Variants in SEPSECS observed in about 807,000 individuals in gnomAD.
SEPSECS encodes O-phosphoseryl-tRNA(Sec) selenium transferase.
Under a neutral mutation model 52.1 loss-of-function variants are expected in SEPSECS, and 42 were observed. That is an observed-to-expected ratio of 0.81 (90% confidence interval 0.63 to 1.04). The LOEUF is 1.04. SEPSECS is among the 50% of genes least tolerant of loss of function. The pLI is 0.00. For synonymous variants in SEPSECS, 216 were observed against 211.4 expected, an observed-to-expected ratio of 1.02 and a Z score of -0.19; for missense variants, 590 against 610.6, an observed-to-expected ratio of 0.97 and a Z score of 0.36.
intron 8 of SEPSECS, 136 bp from the exon 9 acceptor site, chr4:25,127,493 G>A (rs1728429647): frequency 1.5e-6 from 1 of 671,492 alleles, no homozygotes; most frequent in African/African-American, 1.8e-5. Context: ...TCTCTCCTTT[G>A]CCACAATACA....
At chr4:25,133,557 A>C (rs1728701997) in intron 8 of SEPSECS, among the ~76,000 whole-genome samples, 1 of 152,210 alleles carries the variant, frequency 6.6e-6, no homozygotes, top group Non-Finnish European at 1.5e-5. Flanking sequence ...AGTAGTCAAA[A>C]ATCTTAAAGT....
intron 8 of SEPSECS, among the ~76,000 whole-genome samples, chr4:25,129,521 C>T (rs1049279862): frequency 1.3e-5 from 2 of 151,794 alleles, no homozygotes; most frequent in South Asian, 4.2e-4. Flanking sequence ...TACTCAGAGG[C>T]TGAGGCATGA....
At chr4:25,127,205 C>A in intron 9 of SEPSECS, 59 bp downstream of exon 9, 1 of 1,014,266 alleles carries the variant, frequency 9.9e-7, no homozygotes, top group Non-Finnish European at 1.6e-6. Context: ...CTAGAAGTAT[C>A]AGCTTCCTCC....
At chr4:25,159,494 G>A (rs762270862) in intron 1 of SEPSECS, 9 of 369,434 alleles carry the variant, frequency 2.4e-5, no homozygotes, top group South Asian at 1.3e-4. Flanking sequence ...TTGGCCACGC[G>A]CTGTAGCTCA....
rs189923615 is a variant in SEPSECS at position 25,126,935 on chromosome 4, C to T, written c.1120+329G>A. Among the ~76,000 whole-genome samples the T allele has an allele frequency of 2.2e-3, 339 of 152,220 alleles. 2 individuals are homozygous for T. Among genetic ancestry groups the T allele is most frequent in the Middle Eastern group, 6.8e-3 (2 of 292 alleles). On this transcript the variant is annotated intron_variant, in intron 9 of 10. Coordinates refer to ENST00000382103, the MANE Select transcript of SEPSECS (RefSeq NM_016955.4). ...CCTCCCAAAGTGCTAGGATTACAGGCGTGGGCCACCAAACCCGACCTGGAG... is the reference window on the plus strand; with the variant it reads ...CCTCCCAAAGTGCTAGGATTACAGGTGTGGGCCACCAAACCCGACCTGGAG...
At chr4:25,149,158 T>G (rs755667454) in intron 6 of SEPSECS, among the ~76,000 whole-genome samples, 30 of 152,018 alleles carry the variant, frequency 2.0e-4, no homozygotes, top group Non-Finnish European at 4.4e-5. Context: ...CCTGGGTTCA[T>G]GCCATTCTCC....
chr4:25,145,005 T>G lies in SEPSECS; in HGVS notation c.933A>C (p.Pro311=). The G allele has an allele frequency of 6.2e-7, 1 of 1,613,986 alleles. No individual in the cohort carries two copies. Among genetic ancestry groups the G allele is most frequent in the East Asian group, 2.2e-5 (1 of 44,822 alleles). The change falls in exon 7 of 11, where the codon CCA becomes CCC. Residue 311 remains proline (P), a splice_region_variant and synonymous_variant. Coordinates refer to ENST00000382103, the MANE Select transcript of SEPSECS (RefSeq NM_016955.4). ...CTGAAAAGCAACTTATTTATTTACC[T>G]GGATACATCTTGCTGATTTCCTGAA... ...SFIQEISKMY[P]GRASASPSLD...
chr4:25,122,740 T>G lies in SEPSECS; in HGVS notation c.*1191A>C, dbSNP rs923030964. 1 of 152,192 alleles carries G rather than the reference T, an allele frequency of 6.6e-6. No individual in the cohort carries two copies. The highest frequency in any genetic ancestry group is 1.5e-5 in the Non-Finnish European group (1 of 68,024). The allele number at this position is 152,192 out of a possible 1,614,324, so 9.4% of individuals were successfully genotyped here. On this transcript the variant is annotated 3_prime_UTR_variant, in exon 11 of 11. Coordinates refer to ENST00000382103, the MANE Select transcript of SEPSECS (RefSeq NM_016955.4). ...AAATCTTCAGGCTATGACATCTCTA[T>G]TTCTTAAAATAGTCTTAAGTAAGTC... is the stretch of plus-strand genomic sequence containing the variant.
intron 7 of SEPSECS, 38 bp downstream of exon 7, chr4:25,144,966 G>C (rs1401394509): frequency 6.2e-7 from 1 of 1,612,344 alleles, no homozygotes; most frequent in Admixed American, 1.7e-5. Context: ...ATTTTTGTTT[G>C]TTAGCTACTT....
At chr4:25,146,029 C>T (rs1048041073) in intron 6 of SEPSECS, among the ~76,000 whole-genome samples, 10 of 152,194 alleles carry the variant, frequency 6.6e-5, no homozygotes, top group African/African-American at 2.4e-4. Context: ...GAATACTTAC[C>T]TACTAGAAAT....
In SEPSECS at chr4:25,122,651, T is replaced by C. The variant is rs1577596372; in HGVS notation, c.*1280A>G. Reference sequence around the variant, plus strand: ...TCCCCATGAGCATCTTTTAGGAACATGATCCACAGAGCTGGGTTTGAGAAA... The same window carrying C: ...TCCCCATGAGCATCTTTTAGGAACACGATCCACAGAGCTGGGTTTGAGAAA... On this transcript the variant is annotated 3_prime_UTR_variant, in exon 11 of 11. Transcript: ENST00000382103. 1 of 152,176 alleles carries C rather than the reference T, an allele frequency of 6.6e-6. No individual in the cohort carries two copies. The highest frequency in any genetic ancestry group is 2.4e-5 in the African/African-American group (1 of 41,454). The allele number at this position is 152,176 out of a possible 1,614,324, so 9.4% of individuals were successfully genotyped here.
chr4:25,132,301 T>C lies in SEPSECS; in HGVS notation c.1027-4944A>G, dbSNP rs181474021. 8.5e-5 allele frequency among the ~76,000 whole-genome samples: 13 copies of C among 152,336 alleles called. No individual in the cohort carries two copies. In the East Asian group the frequency reaches 2.5e-3, roughly 29 times the overall value. On this transcript the variant is annotated intron_variant, in intron 8 of 10. Coordinates refer to ENST00000382103, the MANE Select transcript of SEPSECS (RefSeq NM_016955.4). ...TAAGTTTTCTTCTAACATTCCTTTTTTTAGTACACAATAACACCAATAATA... is the reference window on the plus strand; with the variant it reads ...TAAGTTTTCTTCTAACATTCCTTTTCTTAGTACACAATAACACCAATAATA...
intron 4 of SEPSECS, 91 bp from the exon 5 acceptor site, chr4:25,155,242 A>C: frequency 7.5e-7 from 1 of 1,337,620 alleles, no homozygotes; most frequent in Admixed American, 1.8e-5. Flanking sequence ...TCTACACAAG[A>C]ACTCTTAATA....
intron 8 of SEPSECS, among the ~76,000 whole-genome samples, chr4:25,134,658 A>G (rs1013191711): frequency 1.3e-5 from 2 of 152,186 alleles, no homozygotes. Context: ...TGCTAATTAA[A>G]TAAGTTTAAC....
Position 25,121,432 on chromosome 4 carries a change from A to G in SEPSECS, c.*2499T>C, listed in dbSNP as rs1728120266. ...TTGGGTCAAAAAGATAGAAGAGGTTATCTTCGGCAATGATTGGTAATGTAT... is the reference window on the plus strand; with the variant it reads ...TTGGGTCAAAAAGATAGAAGAGGTTGTCTTCGGCAATGATTGGTAATGTAT... On this transcript the variant is annotated 3_prime_UTR_variant, in exon 11 of 11. Transcript: ENST00000382103. The G allele has an allele frequency of 6.6e-6, 1 of 152,216 alleles. No homozygotes were observed. The highest frequency in any genetic ancestry group is 6.5e-5 in the Admixed American group (1 of 15,272). The allele number at this position is 152,216 out of a possible 1,614,324, so 9.4% of individuals were successfully genotyped here.
At chr4:25,125,608 T>G in intron 10 of SEPSECS, 86 bp downstream of exon 10, 1 of 820,186 alleles carries the variant, frequency 1.2e-6, no homozygotes, top group Non-Finnish European at 2.1e-6. Flanking sequence ...AGGATATACT[T>G]GGGGGACTAT....
At chr4:25,144,304 C>T (rs569684843) in intron 8 of SEPSECS, among the ~76,000 whole-genome samples, 45 of 140,558 alleles carry the variant, frequency 3.2e-4, no homozygotes, top group Non-Finnish European at 6.1e-4. Context: ...CGTGCCATTG[C>T]ACTCCAACCC....
Position 25,121,748 on chromosome 4 carries a change from C to A in SEPSECS, c.*2183G>T, listed in dbSNP as rs902099485. On this transcript the variant is annotated 3_prime_UTR_variant, in exon 11 of 11. Coordinates refer to ENST00000382103, the MANE Select transcript of SEPSECS (RefSeq NM_016955.4). ...AATAAAAACCACAGCTGATTTTCTG[C>A]ATCAGGAATGAAATATTGTAACATA... The A allele has an allele frequency of 6.6e-6, 1 of 152,146 alleles. No individual in the cohort carries two copies. The highest frequency in any genetic ancestry group is 1.5e-5 in the Non-Finnish European group (1 of 67,996). 9.4% of individuals were successfully genotyped at this position (152,146 alleles called of 1,614,324 possible). A position where few individuals can be genotyped will look rare whatever the true frequency, so the allele number is the denominator to read the frequency against.
rs528611769 is a variant in SEPSECS at position 25,144,197 on chromosome 4, G to A, written c.1026+577C>T. Among the ~76,000 whole-genome samples the A allele has an allele frequency of 2.9e-4, 44 of 151,728 alleles. No homozygotes were observed. The South Asian group carries it at 5.4e-3, about 19-fold the overall frequency. ...CTACTAAAAATACAAAAAATTAGTC[G>A]GGTGTGGTGGCGGGCGCTTGTAATC... On this transcript the variant is annotated intron_variant, in intron 8 of 10. Transcript: ENST00000382103.
Sources: allele counts gnomAD v4.1 joint callset (sites outside exome capture counted in the v4.1 genomes callset), GRCh38; gene constraint gnomAD v4.1.1; transcripts MANE v1.5; gene names NCBI Gene and HGNC (gene_info 2026-07-23, HGNC 2026-07-21).